DHX15: variants seen among roughly 807,000 people sequenced by gnomAD.
The protein encoded by DHX15 is DEAH-box helicase 15, also known as ATP-dependent RNA helicase DHX15.
A neutral mutation model predicts 94.4 loss-of-function variants in DHX15; 11 were observed. That is an observed-to-expected ratio of 0.12 (90% CI 0.07 to 0.19). The LOEUF (loss-of-function observed/expected upper bound fraction) is 0.19, where lower values mean the gene tolerates loss of function less well. DHX15 is among the 10% of genes least tolerant of loss of function. The pLI is 1.00. For synonymous variants in DHX15, 338 were observed against 329.9 expected, an observed-to-expected ratio of 1.02 and a Z score of -0.27; for missense variants, 304 against 988.5, an observed-to-expected ratio of 0.31 and a Z score of 9.29.
chr4:24,543,528 GA>G (rs1721361186), intron 6 of DHX15, among the ~76,000 whole-genome samples: 1 of 152,100 alleles, frequency 6.6e-6, no homozygotes, highest in African/African-American at 2.4e-5. Context: ...AATCCAGTAA[GA>G]ATGGACAGAT....
In DHX15 at chr4:24,570,900, A is replaced by G. The variant is rs942003195; in HGVS notation, c.508-53T>C. The G allele has an allele frequency of 2.6e-6, 4 of 1,555,660 alleles. No individual in the cohort carries two copies. The South Asian group carries it at 3.5e-5, about 13-fold the overall frequency. On this transcript the variant is annotated intron_variant, in intron 2 of 13. Transcript: ENST00000336812. ...ATTCTATTCTGCCTGCATATCAAGT[A>G]TATGTAACATAAAGCACTTTATCTC...
chr4:24,560,212 T>A (rs1721839042), intron 3 of DHX15, among the ~76,000 whole-genome samples: 1 of 151,580 alleles, frequency 6.6e-6, no homozygotes, highest in African/African-American at 2.4e-5. Context: ...CTTATTTATA[T>A]TTTTGTATTT....
rs6841898 is a variant in DHX15, at chr4:24,576,474, C to A, written c.276G>T (p.Thr92=). ...SAHSTHSAHS[T]HSTHSAHSTH... ...TTGAATGAGCAGAATGTGTTGAATG[C>A]GTTGAATGTGCTGAGTGGGTTGAGT... The change falls in exon 2 of 14, where the codon ACG becomes ACT. Residue 92 remains threonine, a synonymous_variant. Transcript: ENST00000336812. The A allele has an allele frequency of 1.2e-6, 2 of 1,614,050 alleles. No individual in the cohort carries two copies. Among genetic ancestry groups the A allele is most frequent in the African/African-American group, 1.3e-5 (1 of 74,982 alleles).
At chr4:24,584,247 G>T (rs1175749363) in intron 1 of DHX15, 76 bp downstream of exon 1, 107 of 1,454,482 alleles carry the variant, frequency 7.4e-5, no homozygotes, top group Non-Finnish European at 9.5e-5. Flanking sequence ...CGCTCGGCCA[G>T]GCCAGCCCCG....
chr4:24,569,726 T>C (rs1300901827), intron 3 of DHX15, among the ~76,000 whole-genome samples: 2 of 152,282 alleles, frequency 1.3e-5, no homozygotes, highest in South Asian at 2.1e-4. Context: ...AAATGGTTTT[T>C]AAAAACCTCA....
At chr4:24,565,279 A>G (rs1388305935) in intron 3 of DHX15, among the ~76,000 whole-genome samples, 1 of 152,246 alleles carries the variant, frequency 6.6e-6, no homozygotes, top group Admixed American at 6.5e-5. Flanking sequence ...CAGCAAACCA[A>G]GTTAGCTTTC....
intron 5 of DHX15, among the ~76,000 whole-genome samples, chr4:24,550,622 C>T (rs1721581243): frequency 6.6e-6 from 1 of 152,170 alleles, no homozygotes; most frequent in Non-Finnish European, 1.5e-5. Flanking sequence ...TATTAACCCA[C>T]TGGAAGGTCT....
At chr4:24,580,510 C>CT (rs36034914) in intron 1 of DHX15, among the ~76,000 whole-genome samples, 2,494 of 139,316 alleles carry the variant, frequency 0.018, 70 homozygotes, top group African/African-American at 0.056. Flanking sequence ...ATAAGCATTG[C>CT]TTTTTTTTTT....
chr4:24,550,343 C>T (rs906809630), intron 5 of DHX15, among the ~76,000 whole-genome samples: 1 of 151,858 alleles, frequency 6.6e-6, no homozygotes, highest in Admixed American at 6.6e-5. Context: ...ATTAAATTAA[C>T]CTTAGCTTAC....
intron 3 of DHX15, among the ~76,000 whole-genome samples, chr4:24,557,960 G>A (rs566533037): frequency 5.6e-4 from 83 of 147,188 alleles, no homozygotes; most frequent in Non-Finnish European, 1.0e-3. Flanking sequence ...TCAATAGAGC[G>A]GTCTGTTGAT....
At chr4:24,563,326 G>GT (rs1721924366) in intron 3 of DHX15, 1 of 152,206 alleles carries the variant, frequency 6.6e-6, no homozygotes, top group East Asian at 1.9e-4. Flanking sequence ...CAACCTGATA[G>GT]TCCCCCGCTC....
At chr4:24,540,473 T>C (rs1163442317) in intron 9 of DHX15, among the ~76,000 whole-genome samples, 174 bp from the exon 10 acceptor site, 2 of 152,118 alleles carry the variant, frequency 1.3e-5, no homozygotes, top group African/African-American at 2.4e-5. Context: ...ATAAAAACAT[T>C]GCAAAATTTT....
At chr4:24,529,049 A>G (rs1721024971) in intron 13 of DHX15, among the ~76,000 whole-genome samples, 1 of 152,140 alleles carries the variant, frequency 6.6e-6, no homozygotes, top group Non-Finnish European at 1.5e-5. Flanking sequence ...TCTGAGAGAC[A>G]GGGTCTCACT....
At chr4:24,529,569 C>CA (rs766284021) in intron 13 of DHX15, 32 bp downstream of exon 13, 2 of 1,606,178 alleles carry the variant, frequency 1.2e-6, no homozygotes, top group Non-Finnish European at 1.7e-6. Flanking sequence ...AAAGTACTAA[C>CA]AAAAAACTGT....
At chr4:24,570,454 T>C (rs772610811) in intron 3 of DHX15, among the ~76,000 whole-genome samples, 200 bp downstream of exon 3, 14 of 152,132 alleles carry the variant, frequency 9.2e-5, no homozygotes, top group Non-Finnish European at 2.1e-4. Flanking sequence ...AATCTGACCT[T>C]TGAACTTCAA....
At chr4:24,580,280 G>A (rs998236261) in intron 1 of DHX15, among the ~76,000 whole-genome samples, 1 of 152,066 alleles carries the variant, frequency 6.6e-6, no homozygotes, top group African/African-American at 2.4e-5. Context: ...GGGGTGGCAC[G>A]CCTGTAGTCC....
chr4:24,559,724 C>A (rs529350594), intron 3 of DHX15, among the ~76,000 whole-genome samples: 1 of 152,222 alleles, frequency 6.6e-6, no homozygotes, highest in African/African-American at 2.4e-5. Flanking sequence ...TGTTTTAGGG[C>A]AGAGATGCTC....
chr4:24,546,940 C>T (rs1179670248), intron 6 of DHX15, among the ~76,000 whole-genome samples: 2 of 143,352 alleles, frequency 1.4e-5, no homozygotes, highest in East Asian at 4.6e-4. Context: ...CAATTAGACA[C>T]AAACAGTAAG....
intron 6 of DHX15, 36 bp downstream of exon 6, chr4:24,548,819 T>G: frequency 6.4e-7 from 1 of 1,570,604 alleles, no homozygotes; most frequent in East Asian, 2.3e-5. Flanking sequence ...AAATCATTAT[T>G]AGTGAAATAT....
Sources: allele counts gnomAD v4.1 joint callset (sites outside exome capture counted in the v4.1 genomes callset), GRCh38; gene constraint gnomAD v4.1.1; transcripts MANE v1.5; gene names NCBI Gene and HGNC (gene_info 2026-07-23, HGNC 2026-07-21).